The following LAMA2 variants were observed in gnomAD, a reference collection of about 807,000 sequenced individuals.
The protein encoded by LAMA2 is laminin subunit alpha-2.
In LAMA2, 269 loss-of-function variants were observed where a neutral mutation model predicts 364.8. The ratio of observed to expected loss-of-function variants is 0.74; its 90% CI spans 0.67 to 0.82. The LOEUF (loss-of-function observed/expected upper bound fraction) is 0.82. Among genes scored for constraint, LAMA2 ranks in the 40% least tolerant of loss-of-function variants. The probability of loss-of-function intolerance (pLI) is 0.00; values close to 1 mark genes in which losing one functional copy is unlikely to be tolerated. For missense variants in LAMA2, 3,807 were observed against 3,873.2 expected, an observed-to-expected ratio of 0.98 and a Z score of 0.45; for synonymous variants, 1,379 against 1,370.6, an observed-to-expected ratio of 1.01 and a Z score of -0.14.
intron 29 of LAMA2, among the ~76,000 whole-genome samples, chr6:129,337,009 T>C (rs1346413950): frequency 6.6e-6 from 1 of 152,234 alleles, no homozygotes; most frequent in Non-Finnish European, 1.5e-5. Flanking sequence ...AGATTTGAAC[T>C]CAGGTAAGCT....
intron 29 of LAMA2, among the ~76,000 whole-genome samples, chr6:129,332,538 T>A (rs1775717583): frequency 6.6e-6 from 1 of 152,170 alleles, no homozygotes; most frequent in Non-Finnish European, 1.5e-5. Context: ...TCAAAATTAC[T>A]GGAATTTTGA....
At chr6:129,037,818 T>C (rs567899671) in intron 1 of LAMA2, among the ~76,000 whole-genome samples, 223 of 152,166 alleles carry the variant, frequency 1.5e-3, no homozygotes, top group South Asian at 3.5e-3. Context: ...TACAGGTGCT[T>C]GCCACCACAC....
rs141658354 is a variant in LAMA2 at position 129,250,202 on chromosome 6, A to G, written c.1873A>G (p.Ile625Val). 43 of 1,572,674 alleles carry G rather than the reference A, an allele frequency of 2.7e-5. No individual in the cohort carries two copies. In the African/African-American group the frequency reaches 5.2e-4, roughly 19 times the overall value. ...EDTERVLQLM[I>V]ILEGNDLSIS... is the part of the protein sequence containing the mutation. ...TACAGAACGTGTTCTCCAGCTTATG[A>G]TTATCTTAGAGGTAGAGTACTGAGA... The change falls in exon 13 of 65, where the codon ATT (isoleucine) becomes GTT (valine). Residue 625 changes from isoleucine to valine, a missense_variant. Physicochemically the swap from Ile to Val is conservative, Grantham distance 29. Coordinates refer to ENST00000421865, the MANE Select transcript of LAMA2 (RefSeq NM_000426.4).
At chr6:129,436,534 G>A (rs957224165) in intron 41 of LAMA2, among the ~76,000 whole-genome samples, 1 of 151,990 alleles carries the variant, frequency 6.6e-6, no homozygotes, top group Non-Finnish European at 1.5e-5. Flanking sequence ...GAGCTAATGA[G>A]TATCCCCAAA....
intron 1 of LAMA2, among the ~76,000 whole-genome samples, chr6:128,894,772 A>G (rs570612328): frequency 2.6e-5 from 4 of 152,308 alleles, no homozygotes; most frequent in African/African-American, 9.6e-5. Context: ...TAAACTGACC[A>G]CTAGCATGGT....
chr6:128,923,356 C>T (rs1408963295), intron 1 of LAMA2, among the ~76,000 whole-genome samples: 4 of 151,098 alleles, frequency 2.6e-5, no homozygotes, highest in Admixed American at 2.6e-4. Flanking sequence ...GAATGTTCTT[C>T]CATTTGTTTG....
intron 53 of LAMA2, among the ~76,000 whole-genome samples, chr6:129,475,679 G>GC (rs1478121797): frequency 6.6e-6 from 1 of 151,988 alleles, no homozygotes; most frequent in Admixed American, 6.6e-5. Flanking sequence ...TGCACACAGT[G>GC]CCCCTGGTGA....
chr6:129,131,966 G>A (rs992920685), intron 4 of LAMA2, among the ~76,000 whole-genome samples: 7 of 151,920 alleles, frequency 4.6e-5, no homozygotes, highest in African/African-American at 1.7e-4. Flanking sequence ...TTCATTTCCC[G>A]CTTCTCACAA....
chr6:129,450,832 T>C (rs536924738), intron 45 of LAMA2, among the ~76,000 whole-genome samples: 1 of 152,198 alleles, frequency 6.6e-6, no homozygotes, highest in Non-Finnish European at 1.5e-5. Context: ...TGAATTCCAG[T>C]CAGATCTTGA....
chr6:128,950,773 TTAA>T, intron 1 of LAMA2, among the ~76,000 whole-genome samples: 1 of 152,128 alleles, frequency 6.6e-6, no homozygotes, highest in Non-Finnish European at 1.5e-5. Context: ...TTAATATTTA[TTAA>T]CACACATATA....
intron 8 of LAMA2, among the ~76,000 whole-genome samples, chr6:129,160,338 A>T (rs924820800): frequency 1.3e-5 from 2 of 152,060 alleles, no homozygotes; most frequent in African/African-American, 4.8e-5. Flanking sequence ...TTTTTCAAGT[A>T]ATTTGTTCAA....
intron 40 of LAMA2, among the ~76,000 whole-genome samples, chr6:129,411,633 G>A (rs1007406144): frequency 1.3e-5 from 2 of 152,122 alleles, no homozygotes; most frequent in African/African-American, 2.4e-5. Context: ...GGAATAAACA[G>A]GACTTTTGAA....
intron 12 of LAMA2, among the ~76,000 whole-genome samples, chr6:129,232,076 A>T (rs1784698789): frequency 6.6e-6 from 1 of 152,136 alleles, no homozygotes; most frequent in African/African-American, 2.4e-5. Context: ...CTTTCAGCAC[A>T]ATAACCTGAA....
At chr6:129,372,739 G>A (rs1778158841) in intron 34 of LAMA2, among the ~76,000 whole-genome samples, 1 of 152,188 alleles carries the variant, frequency 6.6e-6, no homozygotes, top group Non-Finnish European at 1.5e-5. Flanking sequence ...ATTCCAAATG[G>A]TCTTTTCTAT....
At chr6:128,942,165 CT>C (rs1011160872) in intron 1 of LAMA2, among the ~76,000 whole-genome samples, 1 of 152,102 alleles carries the variant, frequency 6.6e-6, no homozygotes, top group South Asian at 2.1e-4. Context: ...GGACATTAAG[CT>C]TTTTTCATAG....
At chr6:129,317,840 A>G (rs1774708188) in intron 27 of LAMA2, among the ~76,000 whole-genome samples, 1 of 151,962 alleles carries the variant, frequency 6.6e-6, no homozygotes, top group South Asian at 2.1e-4. Flanking sequence ...TTCATCTTTA[A>G]TTATACTTTC....
At chr6:128,997,349 A>C (rs916590319) in intron 1 of LAMA2, among the ~76,000 whole-genome samples, 4 of 103,948 alleles carry the variant, frequency 3.8e-5, no homozygotes, top group East Asian at 3.0e-4. Context: ...AAAGAAAGAA[A>C]GAAAGAACGA....
At position 129,098,368 on chromosome 6, in the gene LAMA2, A is replaced by G. The variant is rs749800602; in HGVS notation, c.592A>G (p.Ile198Val). ...GTCATATGCCAAAGATGATGAGGTC[A>G]TCTGCACTTCATTTTACTCCAAGAT... ...PPSYAKDDEVICTSFYSKIHP... is the reference protein window; with the variant it reads ...PPSYAKDDEVVCTSFYSKIHP... Residue 198 changes from isoleucine to valine, a missense_variant, in exon 4 of 65, where the codon ATC (isoleucine) becomes GTC (valine). Ile to Val is a conservative substitution (Grantham distance 29). Around this residue, in one of 3 missense-constraint regions of LAMA2, gnomAD observed 394 missense variants for 403.5 expected, o/e 0.98. Coordinates refer to ENST00000421865, the MANE Select transcript of LAMA2 (RefSeq NM_000426.4). The G allele has an allele frequency of 1.2e-6, 2 of 1,614,082 alleles. No homozygotes were observed. The highest frequency in any genetic ancestry group is 1.7e-6 in the Non-Finnish European group (2 of 1,179,966).
chr6:129,260,062 T>G (rs760708721), intron 14 of LAMA2, among the ~76,000 whole-genome samples: 5 of 152,158 alleles, frequency 3.3e-5, no homozygotes, highest in Admixed American at 2.6e-4. Flanking sequence ...TAATGAGTTA[T>G]GCCAAATCAC....
Sources: gnomAD v4.1 joint callset for allele counts (sites outside exome capture counted in the v4.1 genomes callset) on GRCh38, gnomAD v4.1.1 for gene constraint, gnomAD v4.1.1 regional missense constraint, MANE v1.5 for transcripts, NCBI Gene and HGNC (gene_info 2026-07-23, HGNC 2026-07-21) for gene names.